KHDRBS3: variants seen among roughly 807,000 people sequenced by gnomAD.
KHDRBS3 encodes KH domain-containing, RNA-binding, signal transduction-associated protein 3.
KHDRBS3 carries 23 observed loss-of-function variants against 45.6 expected under a neutral mutation model. The ratio of observed to expected loss-of-function variants is 0.50; its 90% CI spans 0.36 to 0.72. KHDRBS3 has a LOEUF of 0.72. KHDRBS3 is among the 30% of genes least tolerant of loss of function. The probability of loss-of-function intolerance (pLI) is 0.00; values close to 1 mark genes in which losing one functional copy is unlikely to be tolerated. For synonymous variants in KHDRBS3, 162 were observed against 156.5 expected, an observed-to-expected ratio of 1.04 and a Z score of -0.26; for missense variants, 352 against 424.8, an observed-to-expected ratio of 0.83 and a Z score of 1.51.
At chr8:135,591,227 T>C (rs1828729211) in intron 6 of KHDRBS3, among the ~76,000 whole-genome samples, 1 of 152,234 alleles carries the variant, frequency 6.6e-6, no homozygotes, top group Non-Finnish European at 1.5e-5. Context: ...CCTGTCAATG[T>C]ATTCTAATGG....
At chr8:135,616,924 T>C (rs993121627) in intron 7 of KHDRBS3, among the ~76,000 whole-genome samples, 1 of 152,112 alleles carries the variant, frequency 6.6e-6, no homozygotes, top group African/African-American at 2.4e-5. Context: ...TGGAAGAGAA[T>C]AATAACTTTT....
intron 1 of KHDRBS3, among the ~76,000 whole-genome samples, chr8:135,482,150 T>C (rs1822610358): frequency 6.6e-6 from 1 of 152,220 alleles, no homozygotes; most frequent in African/African-American, 2.4e-5. Flanking sequence ...CACTTCTTTC[T>C]GGTTTTCTTC....
At chr8:135,618,061 C>T (rs1485598430) in intron 7 of KHDRBS3, among the ~76,000 whole-genome samples, 1 of 152,082 alleles carries the variant, frequency 6.6e-6, no homozygotes, top group Non-Finnish European at 1.5e-5. Context: ...AATATTCAGA[C>T]ATGTTGTGGA....
Position 135,581,953 on chromosome 8 carries a change from G to A in KHDRBS3, c.687G>A (p.Leu229=), listed in dbSNP as rs371959010. 116 of 1,613,506 alleles carry A rather than the reference G, an allele frequency of 7.2e-5. No homozygotes were observed. The highest frequency in any genetic ancestry group is 9.3e-5 in the Non-Finnish European group (110 of 1,179,676). ...PRGTPTPRGV[L]STRGPVSRGR... ...GGACGCCAACTCCCAGAGGAGTCCTGTCCACCCGAGGGCCAGTGAGTCGGG... is the reference window on the plus strand; with the variant it reads ...GGACGCCAACTCCCAGAGGAGTCCTATCCACCCGAGGGCCAGTGAGTCGGG... The change falls in exon 6 of 9, where the codon CTG becomes CTA. Residue 229 remains leucine, a synonymous_variant. Coordinates refer to ENST00000355849, the MANE Select transcript of KHDRBS3 (RefSeq NM_006558.3).
chr8:135,617,033 C>G (rs536536637), intron 7 of KHDRBS3, among the ~76,000 whole-genome samples: 5 of 152,052 alleles, frequency 3.3e-5, no homozygotes, highest in African/African-American at 1.2e-4. Context: ...GTCAGCTCTA[C>G]TACTTTCTTA....
intron 2 of KHDRBS3, among the ~76,000 whole-genome samples, chr8:135,529,904 A>G (rs1353389207): frequency 6.6e-6 from 1 of 151,982 alleles, no homozygotes; most frequent in African/African-American, 2.4e-5. Context: ...AAAAAAAATT[A>G]GCCAGGCGTG....
intron 6 of KHDRBS3, among the ~76,000 whole-genome samples, chr8:135,594,166 A>C (rs4909489): frequency 0.97 from 148,053 of 152,306 alleles, 72,095 homozygotes; most frequent in East Asian, 1. Flanking sequence ...GATGTGGAAT[A>C]AGGACTATAG....
chr8:135,539,827 C>T (rs1825957889), intron 2 of KHDRBS3: 1 of 152,156 alleles, frequency 6.6e-6, no homozygotes. Flanking sequence ...CATTTATGTA[C>T]TTTTTGTGAA....
chr8:135,562,014 A>G (rs1002358396), intron 5 of KHDRBS3, among the ~76,000 whole-genome samples: 8 of 152,222 alleles, frequency 5.3e-5, no homozygotes, highest in African/African-American at 1.4e-4. Context: ...AAATTTTAAA[A>G]AATTACAGTA....
At chr8:135,564,830 C>A (rs1444337292) in intron 5 of KHDRBS3, among the ~76,000 whole-genome samples, 4 of 151,896 alleles carry the variant, frequency 2.6e-5, no homozygotes, top group Non-Finnish European at 5.9e-5. Context: ...TCTTTTTGTT[C>A]ATTAGCAGGA....
intron 2 of KHDRBS3, among the ~76,000 whole-genome samples, chr8:135,530,484 G>T (rs534686572): frequency 2.0e-4 from 31 of 152,106 alleles, no homozygotes; most frequent in Non-Finnish European, 3.4e-4. Context: ...TAATACAAAG[G>T]CAGACTGATA....
chr8:135,578,944 T>C (rs1828074022), intron 5 of KHDRBS3, among the ~76,000 whole-genome samples: 1 of 152,218 alleles, frequency 6.6e-6, no homozygotes, highest in African/African-American at 2.4e-5. Flanking sequence ...CATGCAATTT[T>C]TTTTTGGCTT....
chr8:135,494,175 C>G (rs1269179635), intron 1 of KHDRBS3, among the ~76,000 whole-genome samples: 3 of 151,732 alleles, frequency 2.0e-5, no homozygotes, highest in Non-Finnish European at 4.4e-5. Context: ...TTGAGCTTTC[C>G]AAAGTATCAA....
In KHDRBS3 at chr8:135,623,863, T is replaced by G. The variant is rs538719520; in HGVS notation, c.890+16826T>G. On this transcript the variant is annotated intron_variant, in intron 7 of 8. Coordinates refer to ENST00000355849, the MANE Select transcript of KHDRBS3 (RefSeq NM_006558.3). ...AAAATACTTGCTTTCTACACACATT[T>G]TAGGACAAGCTACCACCAGAAACAA... is the stretch of plus-strand genomic sequence containing the variant. Among the ~76,000 whole-genome samples the G allele has an allele frequency of 1.1e-4, 17 of 152,240 alleles. No individual in the cohort carries two copies. The South Asian group carries it at 2.7e-3, about 24-fold the overall frequency.
chr8:135,514,254 A>G (rs1824451479), intron 1 of KHDRBS3, among the ~76,000 whole-genome samples: 1 of 152,372 alleles, frequency 6.6e-6, no homozygotes, highest in Non-Finnish European at 1.5e-5. Context: ...GAAGGAAAAA[A>G]GAGATTAAAG....
chr8:135,607,077 C>T (rs1385129710), intron 7 of KHDRBS3, 40 bp downstream of exon 7: 64 of 1,436,152 alleles, frequency 4.5e-5, no homozygotes, highest in Non-Finnish European at 6.3e-5. Flanking sequence ...ACAACAGAAA[C>T]CATCCCCTTC....
intron 1 of KHDRBS3, among the ~76,000 whole-genome samples, chr8:135,473,856 G>A (rs1198169800): frequency 6.6e-6 from 1 of 152,168 alleles, no homozygotes; most frequent in African/African-American, 2.4e-5. Flanking sequence ...GCTTACTGAA[G>A]GAAGCCCCAC....
Position 135,625,826 on chromosome 8 carries a change from G to A in KHDRBS3, c.890+18789G>A, listed in dbSNP as rs185155700. The A allele has an allele frequency of 8.3e-4, 637 of 769,150 alleles. 4 individuals carry two copies. In the African/African-American group the frequency reaches 9.6e-3, roughly 12 times the overall value. The allele number at this position is 769,150 out of a possible 1,614,324, so 47.6% of individuals were successfully genotyped here. ...CTTTCTTCAAGGCGGTGGAGCCAGG[G>A]AACAGCATGTCCATAAACTGACACT... On this transcript the variant is annotated intron_variant, in intron 7 of 8. Coordinates refer to ENST00000355849, the MANE Select transcript of KHDRBS3 (RefSeq NM_006558.3).
At chr8:135,603,332 G>T (rs536042455) in intron 6 of KHDRBS3, among the ~76,000 whole-genome samples, 1 of 152,286 alleles carries the variant, frequency 6.6e-6, no homozygotes, top group African/African-American at 2.4e-5. Context: ...CTTCCATTAG[G>T]AGCCTCCAGC....
Sources: gnomAD v4.1 joint callset for allele counts (sites outside exome capture counted in the v4.1 genomes callset) on GRCh38, gnomAD v4.1.1 for gene constraint, MANE v1.5 for transcripts, NCBI Gene and HGNC (gene_info 2026-07-23, HGNC 2026-07-21) for gene names.